The following R3HDM1 variants were observed in gnomAD, a reference collection of about 807,000 sequenced individuals.
The protein encoded by R3HDM1 is R3H domain-containing protein 1.
Under a neutral mutation model 141.1 loss-of-function variants are expected in R3HDM1, and 46 were observed. That is an observed-to-expected ratio of 0.33 (90% CI 0.26 to 0.42). R3HDM1 has a LOEUF of 0.42. R3HDM1 is among the 10% of genes least tolerant of loss of function. R3HDM1 has a pLI of 1.00. For synonymous variants in R3HDM1, 435 were observed against 472.9 expected (o/e 0.92, Z 1.04); for missense variants, 1,184 against 1,368.3 (o/e 0.87, Z 2.12).
chr2:135,664,605 G>A (rs928096316), intron 19 of R3HDM1, among the ~76,000 whole-genome samples: 13 of 152,162 alleles, frequency 8.5e-5, no homozygotes, highest in African/African-American at 3.1e-4. Flanking sequence ...AGGAGGATGG[G>A]GAAATATCTC....
At chr2:135,721,777 G>A in intron 24 of R3HDM1, 147 bp from the exon 25 acceptor site, 1 of 512,976 alleles carries the variant, frequency 1.9e-6, no homozygotes, top group Non-Finnish European at 3.6e-6. Context: ...TATTAGAGAT[G>A]GGGTTTCACC....
chr2:135,586,686 T>C, intron 1 of R3HDM1: 7 of 985,266 alleles, frequency 7.1e-6, no homozygotes, highest in Non-Finnish European at 8.4e-6. Context: ...TTTGTTTAGG[T>C]TGGTGGAGTG....
At chr2:135,602,319 ATTC>A (rs2059693832) in intron 1 of R3HDM1, among the ~76,000 whole-genome samples, 178 bp from the exon 2 acceptor site, 1 of 152,114 alleles carries the variant, frequency 6.6e-6, no homozygotes. Context: ...TCAGTGACTT[ATTC>A]AGGTTCACAA....
At chr2:135,722,064 G>T (rs368248113) in intron 25 of R3HDM1, 58 bp downstream of exon 25, 8 of 1,530,220 alleles carry the variant, frequency 5.2e-6, no homozygotes, top group Non-Finnish European at 6.3e-6. Context: ...CTCCCTCAGA[G>T]TGTAAGGGGC....
intron 1 of R3HDM1, chr2:135,586,182 C>T (rs1574087557): frequency 1.3e-5 from 2 of 152,162 alleles, no homozygotes; most frequent in Non-Finnish European, 2.9e-5. Flanking sequence ...TTTGCATATT[C>T]ACAGTTTCAT....
chr2:135,639,847 A>G (rs766909155), intron 14 of R3HDM1, among the ~76,000 whole-genome samples: 11 of 152,208 alleles, frequency 7.2e-5, no homozygotes, highest in Non-Finnish European at 2.9e-5. Flanking sequence ...CTGTAATCCC[A>G]ACACTTTGGG....
intron 9 of R3HDM1, among the ~76,000 whole-genome samples, chr2:135,635,655 C>G (rs1318784373): frequency 5.3e-5 from 8 of 152,214 alleles, no homozygotes; most frequent in Non-Finnish European, 1.0e-4. Flanking sequence ...TCCAAGCGGA[C>G]TGACTCCAGA....
chr2:135,691,910 T>G (rs553835109), intron 21 of R3HDM1, among the ~76,000 whole-genome samples: 9 of 152,262 alleles, frequency 5.9e-5, no homozygotes, highest in African/African-American at 2.2e-4. Flanking sequence ...AGTTTTTGTT[T>G]GTTTCTTTTT....
At chr2:135,552,389 T>C (rs1699996075) in intron 1 of R3HDM1, among the ~76,000 whole-genome samples, 1 of 152,058 alleles carries the variant, frequency 6.6e-6, no homozygotes, top group African/African-American at 2.4e-5. Context: ...AGAGACGGGG[T>C]TTCGCCATGT....
At chr2:135,655,007 CTTTTTAGTT>C (rs945547546) in intron 18 of R3HDM1, among the ~76,000 whole-genome samples, 1 of 151,632 alleles carries the variant, frequency 6.6e-6, no homozygotes, top group African/African-American at 2.4e-5. Flanking sequence ...GTAAAATTGT[CTTTTTAGTT>C]TCTTAATAAT....
In R3HDM1 at chr2:135,602,570, G is replaced by A. The variant is rs1474315648; in HGVS notation, c.-179G>A. ...GTCCGGGAATCTACAGTGGTGACAA[G>A]GACATGGGACTCCTCCTGCCAGATT... On this transcript the variant is annotated 5_prime_UTR_variant, in exon 2 of 27. Coordinates refer to ENST00000683871, the MANE Select transcript of R3HDM1 (RefSeq NM_001378107.1). 1 of 1,527,988 alleles carries A rather than the reference G, an allele frequency of 6.5e-7. No individual in the cohort carries two copies. Among genetic ancestry groups the A allele is most frequent in the Non-Finnish European group, 8.8e-7 (1 of 1,138,894 alleles). 94.7% of individuals were successfully genotyped at this position (1,527,988 alleles called of 1,614,324 possible).
intron 3 of R3HDM1, among the ~76,000 whole-genome samples, chr2:135,613,725 A>G (rs2060761746): frequency 6.6e-6 from 1 of 152,196 alleles, no homozygotes; most frequent in Admixed American, 6.5e-5. Context: ...CTGAGGCAGG[A>G]GAATTACTTG....
chr2:135,608,415 G>A (rs758177351), intron 3 of R3HDM1, among the ~76,000 whole-genome samples: 8 of 152,032 alleles, frequency 5.3e-5, no homozygotes, highest in Non-Finnish European at 1.2e-4. Flanking sequence ...CAAGGTGCCT[G>A]GCAAGGGGTG....
At chr2:135,591,433 G>C (rs917138084) in intron 1 of R3HDM1, among the ~76,000 whole-genome samples, 1 of 151,976 alleles carries the variant, frequency 6.6e-6, no homozygotes, top group Admixed American at 6.6e-5. Context: ...TAAGACTGAG[G>C]GTTTCTTATA....
At chr2:135,586,627 A>T in intron 1 of R3HDM1, 1 of 884,662 alleles carries the variant, frequency 1.1e-6, no homozygotes, top group Non-Finnish European at 1.4e-6. Flanking sequence ...TACTATATTG[A>T]AAGTGAGAGC....
chr2:135,574,158 A>G (rs1559150175), intron 1 of R3HDM1, among the ~76,000 whole-genome samples: 1 of 152,218 alleles, frequency 6.6e-6, no homozygotes, highest in Non-Finnish European at 1.5e-5. Flanking sequence ...TAGATATGCA[A>G]AATAAGATAA....
chr2:135,676,644 C>G (rs147618433), intron 20 of R3HDM1, among the ~76,000 whole-genome samples: 2 of 152,258 alleles, frequency 1.3e-5, no homozygotes, highest in South Asian at 2.1e-4. Context: ...AACCCCATTT[C>G]TTTGAAAAAT....
intron 16 of R3HDM1, among the ~76,000 whole-genome samples, chr2:135,648,830 CT>C (rs890920777): frequency 1.3e-5 from 2 of 150,324 alleles, no homozygotes; most frequent in Non-Finnish European, 1.5e-5. Flanking sequence ...ACATAAAACC[CT>C]TTTTTTTCCT....
chr2:135,623,047 G>A (rs988245012), intron 7 of R3HDM1: 1 of 979,596 alleles, frequency 1.0e-6, no homozygotes, highest in Non-Finnish European at 1.2e-6. Context: ...TCTCACCATA[G>A]TGCACTCAAC....
Sources: gnomAD v4.1 joint callset for allele counts (sites outside exome capture counted in the v4.1 genomes callset) on GRCh38, gnomAD v4.1.1 for gene constraint, MANE v1.5 for transcripts, NCBI Gene and HGNC (gene_info 2026-07-23, HGNC 2026-07-21) for gene names.